The following QTMAN variants were observed in gnomAD, a reference collection of about 807,000 sequenced individuals.
The protein encoded by QTMAN is tRNA-queuosine alpha-mannosyltransferase.
At chr2:144,276,968 A>G in the QTMAN span, among the ~76,000 whole-genome samples, 1 of 152,178 alleles carries the variant, frequency 6.6e-6, no homozygotes, top group Non-Finnish European at 1.5e-5. Flanking sequence ...TTAAAGTGTA[A>G]GCAGTAAGGT....
At chr2:144,331,054 A>G in the QTMAN span, among the ~76,000 whole-genome samples, 1 of 151,934 alleles carries the variant, frequency 6.6e-6, no homozygotes, top group African/African-American at 2.4e-5. Context: ...GATTTTACCT[A>G]TTCATTGTTT....
chr2:143,947,588 AT>A, the QTMAN span, among the ~76,000 whole-genome samples: 58 of 152,354 alleles, frequency 3.8e-4, no homozygotes, highest in East Asian at 4.8e-3. Flanking sequence ...AGTGCTTCAT[AT>A]TTATAACAGG....
chr2:144,208,876 C>A, the QTMAN span: 2 of 790,378 alleles, frequency 2.5e-6, no homozygotes, highest in South Asian at 5.0e-5. Flanking sequence ...AAAATAAGTT[C>A]AAATTTCATA....
chr2:144,161,724 T>A, the QTMAN span, among the ~76,000 whole-genome samples: 9,426 of 152,198 alleles, frequency 0.062, 418 homozygotes, highest in Admixed American at 0.15. Context: ...AAAACAGTAA[T>A]CACTATAAGA....
chr2:144,035,191 C>T, the QTMAN span, among the ~76,000 whole-genome samples: 7 of 152,160 alleles, frequency 4.6e-5, no homozygotes, highest in African/African-American at 1.7e-4. Flanking sequence ...CCTCTTCTTC[C>T]TGCTTCAGTC....
At chr2:143,966,335 A>G in the QTMAN span, among the ~76,000 whole-genome samples, 1 of 152,230 alleles carries the variant, frequency 6.6e-6, no homozygotes, top group African/African-American at 2.4e-5. Context: ...AGCACATGCT[A>G]TGTGCTCAAG....
chr2:144,056,843 G>C, the QTMAN span, among the ~76,000 whole-genome samples: 29 of 152,220 alleles, frequency 1.9e-4, no homozygotes, highest in African/African-American at 6.5e-4. Flanking sequence ...ATGTCCAAGA[G>C]GTAGTGGTGC....
At chr2:144,154,788 T>C in the QTMAN span, among the ~76,000 whole-genome samples, 4 of 152,200 alleles carry the variant, frequency 2.6e-5, no homozygotes, top group African/African-American at 4.8e-5. Flanking sequence ...TTCTTTTCTT[T>C]AGTATCCTAG....
chr2:144,204,285 C>CA, the QTMAN span, among the ~76,000 whole-genome samples: 2 of 151,926 alleles, frequency 1.3e-5, no homozygotes, highest in South Asian at 2.1e-4. Flanking sequence ...ACAATGAACT[C>CA]AAACAAATTT....
the QTMAN span, among the ~76,000 whole-genome samples, chr2:144,291,690 A>G: frequency 6.6e-6 from 1 of 152,172 alleles, no homozygotes; most frequent in Non-Finnish European, 1.5e-5. Flanking sequence ...TTTCTACCAC[A>G]TAGGTTTGAA....
the QTMAN span, among the ~76,000 whole-genome samples, chr2:144,050,232 A>C: frequency 5.3e-5 from 8 of 152,192 alleles, no homozygotes; most frequent in Admixed American, 2.6e-4. Flanking sequence ...AAATTGTTAG[A>C]GCATGACAAC....
the QTMAN span, among the ~76,000 whole-genome samples, chr2:144,047,862 T>A: frequency 6.6e-6 from 1 of 152,210 alleles, no homozygotes; most frequent in South Asian, 2.1e-4. Context: ...AAACAACCCA[T>A]TATCAACCAC....
At chr2:144,136,935 C>T in the QTMAN span, among the ~76,000 whole-genome samples, 1 of 152,068 alleles carries the variant, frequency 6.6e-6, no homozygotes, top group Non-Finnish European at 1.5e-5. Flanking sequence ...GCCTGGAAGC[C>T]TTCAGTATGG....
chr2:144,246,115 G>A, the QTMAN span, among the ~76,000 whole-genome samples: 1 of 152,132 alleles, frequency 6.6e-6, no homozygotes, highest in Non-Finnish European at 1.5e-5. Context: ...CAGGCATATA[G>A]ATACATAAAA....
chr2:144,140,584 G>A, the QTMAN span, among the ~76,000 whole-genome samples: 893 of 152,010 alleles, frequency 5.9e-3, 8 homozygotes, highest in African/African-American at 0.02. Context: ...GATAATATAC[G>A]TAATTACATA....
At chr2:143,967,405 A>G in the QTMAN span, among the ~76,000 whole-genome samples, 2 of 151,342 alleles carry the variant, frequency 1.3e-5, no homozygotes, top group Admixed American at 6.6e-5. Context: ...ATCTTGGCTC[A>G]CTGCAACCTG....
At chr2:144,029,406 T>C in the QTMAN span, among the ~76,000 whole-genome samples, 1 of 152,220 alleles carries the variant, frequency 6.6e-6, no homozygotes, top group Non-Finnish European at 1.5e-5. Flanking sequence ...CACTGTTGGC[T>C]ACTGTTCATG....
the QTMAN span, among the ~76,000 whole-genome samples, chr2:144,215,494 A>G: frequency 6.6e-6 from 1 of 152,226 alleles, no homozygotes; most frequent in Non-Finnish European, 1.5e-5. Context: ...GGATAAGTAT[A>G]TATTAAAAGT....
the QTMAN span, among the ~76,000 whole-genome samples, chr2:144,018,577 A>G: frequency 1.3e-5 from 2 of 152,212 alleles, no homozygotes; most frequent in Admixed American, 6.5e-5. Flanking sequence ...AAAAGGGAGT[A>G]AAAATAAAAC....
Sources: gnomAD v4.1 joint callset for allele counts (sites outside exome capture counted in the v4.1 genomes callset) on GRCh38, gnomAD v4.1.1 for gene constraint, MANE v1.5 for transcripts, NCBI Gene and HGNC (gene_info 2026-07-23, HGNC 2026-07-21) for gene names.